The following STARD13 variants were observed in gnomAD, a reference collection of about 807,000 sequenced individuals.
STARD13 encodes the protein stAR-related lipid transfer protein 13.
In STARD13, 62 loss-of-function variants were observed where a neutral mutation model predicts 106.4. That is an observed-to-expected ratio of 0.58 (90% CI 0.48 to 0.72). STARD13 has a LOEUF of 0.72. STARD13 is among the 30% of genes least tolerant of loss of function. The probability of loss-of-function intolerance (pLI) is 0.00; values close to 1 mark genes in which losing one functional copy is unlikely to be tolerated. For synonymous variants in STARD13, 565 were observed against 553.0 expected (o/e 1.02, Z -0.31); for missense variants, 1,387 against 1,424.0 (o/e 0.97, Z 0.42).
At chr13:33,200,982 T>C (rs1026782339) in intron 1 of STARD13, among the ~76,000 whole-genome samples, 23 of 151,776 alleles carry the variant, frequency 1.5e-4, no homozygotes, top group African/African-American at 4.8e-4. Context: ...GCCGAGATTG[T>C]GCCACTGCAC....
the STARD13 span, among the ~76,000 whole-genome samples, chr13:33,585,590 A>C: frequency 6.6e-6 from 1 of 152,176 alleles, no homozygotes; most frequent in Non-Finnish European, 1.5e-5. Context: ...GCTACTTGGC[A>C]CACTGAGGTG....
chr13:33,305,958 C>A (rs1203262715), intron 1 of STARD13, among the ~76,000 whole-genome samples: 2 of 152,104 alleles, frequency 1.3e-5, no homozygotes, highest in African/African-American at 4.8e-5. Context: ...ACATTCTTCA[C>A]AGAATTAGAA....
intron 1 of STARD13, chr13:33,349,287 T>A: frequency 2.9e-6 from 2 of 700,106 alleles, no homozygotes. Context: ...CTTCCAATCA[T>A]GCTTCCCCCA....
the STARD13 span, among the ~76,000 whole-genome samples, chr13:33,627,552 A>C: frequency 6.6e-6 from 1 of 150,616 alleles, no homozygotes; most frequent in Non-Finnish European, 1.5e-5. Flanking sequence ...CAGGAGAATC[A>C]CTCGAACCTG....
chr13:33,570,884 G>A, the STARD13 span, among the ~76,000 whole-genome samples: 5 of 152,136 alleles, frequency 3.3e-5, no homozygotes, highest in African/African-American at 4.8e-5. Context: ...CTTATGATAT[G>A]TTTTGGATTT....
intron 1 of STARD13, among the ~76,000 whole-genome samples, chr13:33,209,443 T>TTCTC (rs200338080): frequency 1.4e-5 from 2 of 137,968 alleles, no homozygotes; most frequent in African/African-American, 2.8e-5. Flanking sequence ...TGTCTGAATC[T>TTCTC]TCTCTCTCTC....
the STARD13 span, among the ~76,000 whole-genome samples, chr13:33,644,595 G>A: frequency 1.2e-4 from 19 of 152,264 alleles, no homozygotes; most frequent in African/African-American, 4.6e-4. Flanking sequence ...TTGAAGAGGC[G>A]TCATGCGGCC....
chr13:33,129,990 G>A lies in STARD13; in HGVS notation c.687C>T (p.Ser229=), dbSNP rs1383101969. ...NPVMLDAPLV[S]SSLPQPPRDV... ...CTCTGGGGGGCTGTGGGAGGCTGCT[G>A]CTGACGAGTGGGGCATCCAGCATGA... is the stretch of plus-strand genomic sequence containing the variant. Residue 229 remains serine, a synonymous_variant, in exon 5 of 14, where the codon AGC becomes AGT. Coordinates refer to ENST00000336934, the MANE Select transcript of STARD13 (RefSeq NM_178006.4). The A allele has an allele frequency of 6.2e-7, 1 of 1,613,112 alleles. No homozygotes were observed. Among genetic ancestry groups the A allele is most frequent in the Admixed American group, 1.7e-5 (1 of 60,014 alleles).
At chr13:33,362,525 T>C in the STARD13 span, among the ~76,000 whole-genome samples, 1 of 152,234 alleles carries the variant, frequency 6.6e-6, no homozygotes, top group Non-Finnish European at 1.5e-5. Context: ...ATGGATTTTA[T>C]TGATACCTCT....
the STARD13 span, among the ~76,000 whole-genome samples, chr13:33,616,267 G>A: frequency 1.9e-3 from 293 of 151,292 alleles, 2 homozygotes; most frequent in African/African-American, 6.8e-3. Flanking sequence ...GGGAAGGGGA[G>A]CAGGGAAGGG....
chr13:33,510,811 C>A, the STARD13 span, among the ~76,000 whole-genome samples: 1 of 152,096 alleles, frequency 6.6e-6, no homozygotes, highest in Non-Finnish European at 1.5e-5. Context: ...CTAGTCATAT[C>A]TAAAGCTGGA....
chr13:33,401,043 C>T, the STARD13 span, among the ~76,000 whole-genome samples: 3 of 152,254 alleles, frequency 2.0e-5, no homozygotes, highest in East Asian at 3.9e-4. Flanking sequence ...ATGAAACAAT[C>T]ATTATTCCCT....
chr13:33,383,445 T>C, the STARD13 span, among the ~76,000 whole-genome samples: 2 of 151,828 alleles, frequency 1.3e-5, no homozygotes, highest in South Asian at 2.1e-4. Context: ...AGTGTTTGAT[T>C]TGAAATACAA....
At chr13:33,496,982 T>C in the STARD13 span, among the ~76,000 whole-genome samples, 1 of 152,152 alleles carries the variant, frequency 6.6e-6, no homozygotes, top group African/African-American at 2.4e-5. Context: ...AACAAACAGA[T>C]AATTTTGTAA....
At chr13:33,483,907 A>G in the STARD13 span, among the ~76,000 whole-genome samples, 1 of 152,210 alleles carries the variant, frequency 6.6e-6, no homozygotes, top group Non-Finnish European at 1.5e-5. Flanking sequence ...AAAGTATATG[A>G]TTTTCCCTAG....
the STARD13 span, among the ~76,000 whole-genome samples, chr13:33,403,200 CA>C: frequency 6.6e-6 from 1 of 152,212 alleles, no homozygotes; most frequent in African/African-American, 2.4e-5. Context: ...GGAGTTTGAG[CA>C]ACAACGATGA....
the STARD13 span, among the ~76,000 whole-genome samples, chr13:33,418,427 G>T: frequency 3.3e-5 from 5 of 152,226 alleles, no homozygotes; most frequent in Admixed American, 6.5e-5. Flanking sequence ...GGTAAACAAA[G>T]CTGCCAGGGA....
the STARD13 span, among the ~76,000 whole-genome samples, chr13:33,589,245 C>A: frequency 2.0e-5 from 3 of 152,242 alleles, no homozygotes; most frequent in Admixed American, 2.0e-4. Flanking sequence ...TTTCAAAAAA[C>A]CAGCTTCTGG....
chr13:33,389,592 A>G, the STARD13 span, among the ~76,000 whole-genome samples: 1 of 152,294 alleles, frequency 6.6e-6, no homozygotes, highest in Admixed American at 6.5e-5. Context: ...TACAGAGAAC[A>G]TTTTAAAAAC....
Sources: gnomAD v4.1 joint callset for allele counts (sites outside exome capture counted in the v4.1 genomes callset) on GRCh38, gnomAD v4.1.1 for gene constraint, MANE v1.5 for transcripts, NCBI Gene and HGNC (gene_info 2026-07-23, HGNC 2026-07-21) for gene names.